Variants in RBPMS2 observed in about 807,000 individuals in gnomAD.
The protein encoded by RBPMS2 is RNA-binding protein with multiple splicing 2.
In RBPMS2, 14 loss-of-function variants were observed where a neutral mutation model predicts 25.7. That is an observed-to-expected ratio of 0.55 (90% confidence interval 0.36 to 0.85). RBPMS2 has a LOEUF of 0.85. Ranked by LOEUF, RBPMS2 falls within the 40% of genes least tolerant of loss-of-function variation. The pLI is 0.01. For missense variants in RBPMS2, 252 were observed against 283.4 expected (o/e 0.89, Z 0.80); for synonymous variants, 127 against 115.6 (o/e 1.10, Z -0.63).
intron 1 of RBPMS2, among the ~76,000 whole-genome samples, chr15:64,766,731 G>A (rs567054080): frequency 1.3e-4 from 19 of 151,874 alleles, no homozygotes; most frequent in African/African-American, 3.4e-4. Flanking sequence ...GGGTTTCACC[G>A]TGTTAGCCAG....
At chr15:64,773,532 A>T (rs1054719528) in intron 1 of RBPMS2, among the ~76,000 whole-genome samples, 1 of 152,232 alleles carries the variant, frequency 6.6e-6, no homozygotes, top group Admixed American at 6.5e-5. Flanking sequence ...CCTCTTTCCC[A>T]GAAAAGGTAC....
chr15:64,747,287 C>A (rs1182683773), intron 6 of RBPMS2, among the ~76,000 whole-genome samples: 2 of 152,158 alleles, frequency 1.3e-5, no homozygotes, highest in African/African-American at 2.4e-5. Flanking sequence ...CACTGAGTCC[C>A]TGGAAGAACC....
chr15:64,759,822 G>A (rs992871779), intron 1 of RBPMS2, among the ~76,000 whole-genome samples: 4 of 152,142 alleles, frequency 2.6e-5, no homozygotes, highest in Non-Finnish European at 5.9e-5. Flanking sequence ...ACAGGAGCGC[G>A]CCACCATGCC....
chr15:64,757,166 C>A (rs1444285002), intron 1 of RBPMS2, among the ~76,000 whole-genome samples: 1 of 151,774 alleles, frequency 6.6e-6, no homozygotes, highest in Non-Finnish European at 1.5e-5. Context: ...GCGATGAGGT[C>A]TCACTATGTT....
At chr15:64,762,865 G>A (rs1263267558) in intron 1 of RBPMS2, among the ~76,000 whole-genome samples, 1 of 152,166 alleles carries the variant, frequency 6.6e-6, no homozygotes, top group Admixed American at 6.6e-5. Context: ...TGCACACAAG[G>A]TGGCAAAGAA....
At chr15:64,750,032 G>C (rs1246715467) in intron 3 of RBPMS2, among the ~76,000 whole-genome samples, 1 of 151,744 alleles carries the variant, frequency 6.6e-6, no homozygotes, top group Non-Finnish European at 1.5e-5. Flanking sequence ...CTCCAGCCTG[G>C]GCAACAAGAG....
chr15:64,763,377 G>A (rs918348281), intron 1 of RBPMS2, among the ~76,000 whole-genome samples: 1 of 152,252 alleles, frequency 6.6e-6, no homozygotes, highest in African/African-American at 2.4e-5. Context: ...AGGCAAGGAC[G>A]ATGCCCAGAT....
chr15:64,747,979 A>G (rs1473465839), intron 6 of RBPMS2, among the ~76,000 whole-genome samples: 1 of 140,350 alleles, frequency 7.1e-6, no homozygotes, highest in Admixed American at 7.9e-5. Flanking sequence ...AGATTATCTG[A>G]TCATTCCCAT....
intron 1 of RBPMS2, among the ~76,000 whole-genome samples, chr15:64,770,733 T>A (rs1243414594): frequency 1.3e-5 from 2 of 152,098 alleles, no homozygotes. Context: ...GCACACTGGA[T>A]CCAGGAATTA....
chr15:64,755,277 C>T (rs959224834), intron 1 of RBPMS2, among the ~76,000 whole-genome samples: 2 of 152,120 alleles, frequency 1.3e-5, no homozygotes, highest in Non-Finnish European at 2.9e-5. Context: ...CCCCACAGCT[C>T]CCATCCTGTC....
intron 1 of RBPMS2, among the ~76,000 whole-genome samples, chr15:64,771,433 A>G (rs2083892305): frequency 6.6e-6 from 1 of 152,228 alleles, no homozygotes; most frequent in African/African-American, 2.4e-5. Flanking sequence ...CTGTAATCTC[A>G]GCACTTTGGG....
intron 1 of RBPMS2, among the ~76,000 whole-genome samples, chr15:64,771,518 A>G (rs973011843): frequency 6.6e-6 from 1 of 152,064 alleles, no homozygotes; most frequent in African/African-American, 2.4e-5. Flanking sequence ...CCCCGTCTCT[A>G]CTAAAAATAC....
chr15:64,746,683 G>A (rs1260841196), intron 6 of RBPMS2, among the ~76,000 whole-genome samples: 2 of 152,206 alleles, frequency 1.3e-5, no homozygotes, highest in Non-Finnish European at 1.5e-5. Flanking sequence ...TGGCTGGGCA[G>A]AGGTGCCCTC....
chr15:64,757,809 A>T (rs1412378433), intron 1 of RBPMS2, among the ~76,000 whole-genome samples: 1 of 33,618 alleles, frequency 3.0e-5, no homozygotes, highest in Non-Finnish European at 1.5e-4. Context: ...GCAAGGCCCT[A>T]TCCCCCCCCA....
At chr15:64,758,318 CAAGT>C (rs1298530807) in intron 1 of RBPMS2, among the ~76,000 whole-genome samples, 1 of 152,176 alleles carries the variant, frequency 6.6e-6, no homozygotes, top group Non-Finnish European at 1.5e-5. Flanking sequence ...ACCCTTATGG[CAAGT>C]AAGAGCAGAA....
intron 1 of RBPMS2, among the ~76,000 whole-genome samples, chr15:64,765,260 C>T (rs1410290247): frequency 9.2e-6 from 1 of 108,502 alleles, no homozygotes. Context: ...AAGCAAAAAA[C>T]AAAAATTAGC....
At chr15:64,750,217 G>C in intron 3 of RBPMS2, 126 bp downstream of exon 3, 1 of 858,074 alleles carries the variant, frequency 1.2e-6, no homozygotes, top group East Asian at 2.4e-5. Context: ...GTCAGAAACA[G>C]GACAACAGGG....
chr15:64,740,956 C>T lies in RBPMS2; in HGVS notation c.*52G>A, dbSNP rs922863440. The T allele has an allele frequency of 6.0e-6, 3 of 500,116 alleles. No individual in the cohort carries two copies. Among genetic ancestry groups the T allele is most frequent in the South Asian group, 2.3e-5 (1 of 44,376 alleles). 31.0% of individuals were successfully genotyped at this position (500,116 alleles called of 1,614,324 possible). On this transcript the variant is annotated 3_prime_UTR_variant, in exon 8 of 8. Coordinates refer to ENST00000300069, the MANE Select transcript of RBPMS2 (RefSeq NM_194272.3). ...CAGTGGGAACTCGGGGCGCCTGTCC[C>T]GGCACCACCACAGATTACCAGAACC...
intron 1 of RBPMS2, among the ~76,000 whole-genome samples, chr15:64,764,348 A>G (rs1459421899): frequency 6.6e-6 from 1 of 152,178 alleles, no homozygotes; most frequent in Non-Finnish European, 1.5e-5. Context: ...GCCAGCTCCT[A>G]AATCAATACC....
Sources: allele counts gnomAD v4.1 joint callset (sites outside exome capture counted in the v4.1 genomes callset), GRCh38; gene constraint gnomAD v4.1.1; transcripts MANE v1.5; gene names NCBI Gene and HGNC (gene_info 2026-07-23, HGNC 2026-07-21).